TTC23L: variants seen among roughly 807,000 people sequenced by gnomAD.
TTC23L encodes tetratricopeptide repeat domain 23 like, also known as tetratricopeptide repeat protein 23-like.
A neutral mutation model predicts 48.1 loss-of-function variants in TTC23L; 42 were observed. That is an observed-to-expected ratio of 0.87 (90% CI 0.68 to 1.13). TTC23L has a LOEUF of 1.13. Ranked by LOEUF, TTC23L falls within the 50% of genes most tolerant of loss-of-function variation. TTC23L has a pLI of 0.00. For missense variants in TTC23L, 391 were observed against 421.0 expected (o/e 0.93, Z 0.62); for synonymous variants, 159 against 157.2 (o/e 1.01, Z -0.09).
chr5:34,850,138 G>C, intron 3 of TTC23L, 47 bp from the exon 4 acceptor site: 2 of 1,607,966 alleles, frequency 1.2e-6, no homozygotes, highest in South Asian at 2.2e-5. Context: ...ATGGGGTAGA[G>C]ACTTCTCTTC....
chr5:34,841,253 A>G (rs1055646048), intron 2 of TTC23L, among the ~76,000 whole-genome samples: 6 of 152,220 alleles, frequency 3.9e-5, no homozygotes, highest in African/African-American at 1.4e-4. Context: ...AACAAAGTTA[A>G]TGAGAAAATT....
At chr5:34,842,935 C>A (rs1356699360) in intron 2 of TTC23L, among the ~76,000 whole-genome samples, 2 of 152,162 alleles carry the variant, frequency 1.3e-5, no homozygotes, top group Non-Finnish European at 2.9e-5. Flanking sequence ...AAGCCATTCT[C>A]ATGCCTCAGC....
At chr5:34,915,502 A>G in the TTC23L span, 5 of 440,654 alleles carry the variant, frequency 1.1e-5, no homozygotes, top group African/African-American at 4.1e-5. Flanking sequence ...CCGCGGAGGA[A>G]GTGAAGCCAG....
intron 2 of TTC23L, among the ~76,000 whole-genome samples, chr5:34,844,902 A>G (rs1458489869): frequency 6.6e-6 from 1 of 152,122 alleles, no homozygotes; most frequent in Non-Finnish European, 1.5e-5. Context: ...CTTGGCCACC[A>G]CATGTTGAAG....
At chr5:34,896,160 C>A (rs143911883) in intron 9 of TTC23L, among the ~76,000 whole-genome samples, 180 of 152,302 alleles carry the variant, frequency 1.2e-3, no homozygotes, top group African/African-American at 4.2e-3. Flanking sequence ...GGCTGCTAAG[C>A]CACAGTGAGC....
the TTC23L span, chr5:34,922,588 A>C: frequency 6.2e-7 from 1 of 1,605,158 alleles, no homozygotes; most frequent in African/African-American, 1.3e-5. Context: ...TGTTCAAAAT[A>C]GTAAGTTGAC....
At position 34,850,270 on chromosome 5, in the gene TTC23L, C is replaced by T. The variant is rs753948400; in HGVS notation, c.341C>T (p.Ala114Val). The T allele has an allele frequency of 3.1e-6, 5 of 1,613,942 alleles. No individual in the cohort carries two copies. The Admixed American group carries it at 8.3e-5, about 27-fold the overall frequency. ...GACCATCACTGGAAATGTGCACGAG[C>T]TCTGGCCAACCTAGCTTATGGCTAC... The change falls in exon 4 of 11, where the codon GCT becomes GTT. Residue 114 changes from alanine (A) to valine (V), a missense_variant. Coordinates refer to ENST00000505624, the Ensembl canonical transcript of TTC23L.
the TTC23L span, chr5:34,920,548 C>T: frequency 1.3e-5 from 2 of 152,228 alleles, no homozygotes; most frequent in African/African-American, 4.8e-5. Flanking sequence ...ATGTCCCTGT[C>T]ATTATGGAAC....
the TTC23L span, among the ~76,000 whole-genome samples, chr5:34,924,067 T>C: frequency 6.6e-6 from 1 of 152,178 alleles, no homozygotes; most frequent in South Asian, 2.1e-4. Flanking sequence ...GGTTAAGACC[T>C]AGCAAAATGT....
downstream of TTC23L, among the ~76,000 whole-genome samples, chr5:34,901,905 G>A (rs1342395173): frequency 1.3e-5 from 2 of 152,136 alleles, no homozygotes; most frequent in African/African-American, 4.8e-5. Context: ...CACCAAACTG[G>A]ATTAAAAAGG....
At chr5:34,879,564 T>C (rs187736893) in intron 8 of TTC23L, among the ~76,000 whole-genome samples, 5 of 152,344 alleles carry the variant, frequency 3.3e-5, no homozygotes, top group Non-Finnish European at 5.9e-5. Flanking sequence ...TCTTGCAGTA[T>C]ACCTGGGAGT....
the TTC23L span, chr5:34,925,149 A>T: frequency 1.4e-6 from 2 of 1,461,142 alleles, no homozygotes; most frequent in South Asian, 1.4e-5. Context: ...TATATGGTTC[A>T]TAACTGAAAG....
chr5:34,922,254 T>G, the TTC23L span: 1 of 1,594,134 alleles, frequency 6.3e-7, no homozygotes, highest in African/African-American at 1.3e-5. Context: ...TGCATCTATT[T>G]TGAAGCTAAG....
chr5:34,923,026 C>T, the TTC23L span: 1 of 1,543,858 alleles, frequency 6.5e-7, no homozygotes, highest in South Asian at 1.1e-5. Flanking sequence ...CCACATTATG[C>T]TTTGTTAAAA....
intron 9 of TTC23L, among the ~76,000 whole-genome samples, chr5:34,888,717 C>G (rs1324827241): frequency 6.6e-6 from 1 of 152,154 alleles, no homozygotes; most frequent in Non-Finnish European, 1.5e-5. Flanking sequence ...TGATTTCTTA[C>G]AGTCTCATAG....
At chr5:34,844,535 T>C (rs1246396578) in intron 2 of TTC23L, among the ~76,000 whole-genome samples, 1 of 151,938 alleles carries the variant, frequency 6.6e-6, no homozygotes, top group East Asian at 2.0e-4. Flanking sequence ...ACATTCACTC[T>C]TTAAGCTTTT....
At chr5:34,910,432 C>T in the TTC23L span, among the ~76,000 whole-genome samples, 20 of 143,812 alleles carry the variant, frequency 1.4e-4, no homozygotes, top group African/African-American at 4.8e-4. Flanking sequence ...TTTTTCTTTT[C>T]TTTTTTTTTT....
intron 7 of TTC23L, chr5:34,868,362 A>G (rs928621791): frequency 2.6e-5 from 4 of 153,204 alleles, no homozygotes; most frequent in African/African-American, 7.2e-5. Context: ...TGTGGACTCA[A>G]TGTTTTTCTC....
chr5:34,905,070 C>T, the TTC23L span, among the ~76,000 whole-genome samples: 59 of 152,254 alleles, frequency 3.9e-4, no homozygotes, highest in Non-Finnish European at 6.9e-4. Context: ...CACTTGAAAC[C>T]GCTGCTTTTG....
Sources: allele counts gnomAD v4.1 joint callset (sites outside exome capture counted in the v4.1 genomes callset), GRCh38; gene constraint gnomAD v4.1.1; transcripts MANE v1.5; gene names NCBI Gene and HGNC (gene_info 2026-07-23, HGNC 2026-07-21).